The following PRR32 variants were observed in gnomAD, a reference collection of about 807,000 sequenced individuals.
The protein encoded by PRR32 is proline-rich protein 32.
In PRR32, 2 loss-of-function variants were observed where a neutral mutation model predicts 1.3. The observed-to-expected ratio is 1.49, with a 90% confidence interval of 0.61 to 4.68. The LOEUF is 4.68. PRR32 is among the 30% of genes most tolerant of loss of function. PRR32 has a pLI of 0.06. For synonymous variants in PRR32, 107 were observed against 88.7 expected (o/e 1.21, Z -1.16); for missense variants, 241 against 232.5 (o/e 1.04, Z -0.24).
rs750309760 is a variant in PRR32, at chrX:126,819,752, G to C, written c.-92G>C. 3.6e-6 allele frequency: 3 copies of C among 840,291 alleles called. No homozygotes were observed. Among genetic ancestry groups the C allele is most frequent in the Non-Finnish European group, 5.0e-6 (3 of 603,966 alleles). 69.2% of individuals were successfully genotyped at this position (840,291 alleles called of 1,213,427 possible). A position where few individuals can be genotyped will look rare whatever the true frequency, so the allele number is the denominator to read the frequency against. On this transcript the variant is annotated 5_prime_UTR_variant, in exon 1 of 2. Coordinates refer to ENST00000371125, the MANE Select transcript of PRR32 (RefSeq NM_001122716.2). The stretch of plus-strand genomic sequence containing the variant: ...TCATTCTAGTTGCCAAGCCTCTAAA[G>C]CAGAAGCAGGAGTCATTTCTCCAGA...
intron 1 of PRR32, among the ~76,000 whole-genome samples, chrX:126,820,074 T>A (rs769060966): frequency 2.7e-5 from 3 of 111,342 alleles, no homozygotes; most frequent in Non-Finnish European, 3.8e-5. Context: ...AATTTACAAA[T>A]CCCTAGTCTA....
chrX:126,819,920 G>C (rs1930528891), intron 1 of PRR32, 57 bp downstream of exon 1: 3 of 1,081,937 alleles, frequency 2.8e-6, no homozygotes, highest in Non-Finnish European at 3.8e-6. Context: ...AGTTTGAATT[G>C]CTTTATTGTG....
In PRR32 at chrX:126,821,114, G is replaced by A. The variant is rs1008260895; in HGVS notation, c.476G>A (p.Arg159Lys). The change falls in exon 2 of 2, where the codon AGG becomes AAG. Residue 159 changes from arginine to lysine, a missense_variant. Physicochemically the swap from Arg to Lys is conservative, Grantham distance 26 (BLOSUM62 2). Transcript: ENST00000371125. Reference sequence around the variant, plus strand: ...ACTGAGAGAGGCAGTAATAACGCAAGGTTGCATGTAGCTTTGCCACAAGGT... The same window carrying A: ...ACTGAGAGAGGCAGTAATAACGCAAAGTTGCATGTAGCTTTGCCACAAGGT... ...GGTERGSNNA[R>K]LHVALPQGKG... The A allele has an allele frequency of 9.4e-6, 11 of 1,167,903 alleles. No homozygotes were observed. Among genetic ancestry groups the A allele is most frequent in the Non-Finnish European group, 1.3e-5 (11 of 873,008 alleles).
In PRR32 at chrX:126,819,774, C is replaced by G; in HGVS notation, c.-70C>G. 9.6e-7 allele frequency: 1 copy of G among 1,044,638 alleles called. No individual in the cohort carries two copies. The highest frequency in any genetic ancestry group is 1.9e-5 in the African/African-American group (1 of 53,462). 86.1% of individuals were successfully genotyped at this position (1,044,638 alleles called of 1,213,427 possible). On this transcript the variant is annotated 5_prime_UTR_variant, in exon 1 of 2. Transcript: ENST00000371125. ...AAAGCAGAAGCAGGAGTCATTTCTC[C>G]AGACCTAGCTGGCCTGTTCAGTGGG...
At chrX:126,820,131 G>A (rs930583991) in intron 1 of PRR32, among the ~76,000 whole-genome samples, 5 of 111,919 alleles carry the variant, frequency 4.5e-5, no homozygotes, top group African/African-American at 1.6e-4. Flanking sequence ...AGGGTGTGGT[G>A]GTGGTTGAAT....
chrX:126,820,729 G>A lies in PRR32; in HGVS notation c.91G>A (p.Asp31Asn), dbSNP rs760363037. ...AAATGGGAACCAGGAGCTGCACCAC[G>A]ACATGCCCCTGCAATGTCTGAGTTC... is the stretch of plus-strand genomic sequence containing the variant. Reference protein sequence around the residue: ...DKNGNQELHHDMPLQCLSSKP... With the variant: ...DKNGNQELHHNMPLQCLSSKP... Residue 31 changes from aspartate to asparagine, a missense_variant, in exon 2 of 2, where the codon GAC (aspartate) becomes AAC (asparagine). Coordinates refer to ENST00000371125, the MANE Select transcript of PRR32 (RefSeq NM_001122716.2). The A allele has an allele frequency of 1.9e-4, 219 of 1,166,387 alleles. No individual in the cohort carries two copies. Among genetic ancestry groups the A allele is most frequent in the Non-Finnish European group, 2.4e-4 (211 of 872,748 alleles).
At position 126,820,776 on chromosome X, in the gene PRR32, G is replaced by A. The variant is rs745456224; in HGVS notation, c.138G>A (p.Glu46=). Residue 46 remains glutamate, a synonymous_variant, in exon 2 of 2, where the codon GAG becomes GAA. Transcript: ENST00000371125. ...GTTCCAAGCCAGAGGATGACGCAGAGCCCTGGGGTCAACCTCAAGTACCGC... is the reference window on the plus strand; with the variant it reads ...GTTCCAAGCCAGAGGATGACGCAGAACCCTGGGGTCAACCTCAAGTACCGC... The part of the protein sequence containing the change: ...CLSSKPEDDA[E]PWGQPQVPLR... 1 of 1,166,103 alleles carries A rather than the reference G, an allele frequency of 8.6e-7. No individual in the cohort carries two copies. Among genetic ancestry groups the A allele is most frequent in the Non-Finnish European group, 1.1e-6 (1 of 872,745 alleles).
At position 126,819,809 on chromosome X, in the gene PRR32, C is replaced by T. The variant is rs1222801692; in HGVS notation, c.-35C>T. ...TGGCCTGTTCAGTGGGTTATCTCCA[C>T]CACCTCAGGAAAGCTATTCTGATCA... On this transcript the variant is annotated 5_prime_UTR_variant, in exon 1 of 2. Coordinates refer to ENST00000371125, the MANE Select transcript of PRR32 (RefSeq NM_001122716.2). 6 of 1,158,307 alleles carry T rather than the reference C, an allele frequency of 5.2e-6. No homozygotes were observed. The South Asian group carries it at 1.2e-4, about 22-fold the overall frequency.
rs924131397 is a variant in PRR32, at chrX:126,821,515, C to T, written c.877C>T (p.Pro293Ser). The T allele has an allele frequency of 5.2e-6, 6 of 1,164,943 alleles. No individual in the cohort carries two copies. Among genetic ancestry groups the T allele is most frequent in the Non-Finnish European group, 6.9e-6 (6 of 872,753 alleles). ...HSGGMPAPAS[P>S]NREHS is the part of the protein sequence containing the mutation. ...TGGGGGAATGCCAGCTCCTGCATCA[C>T]CCAACAGAGAGCACAGCTGATGGCA... The change falls in exon 2 of 2, where the codon CCC becomes TCC. Residue 293 changes from proline to serine, a missense_variant. By Grantham distance (74) the Pro-to-Ser change is moderately conservative. Transcript: ENST00000371125.
chrX:126,820,654 G>T lies in PRR32; in HGVS notation c.21-5G>T. On this transcript the variant is annotated splice_polypyrimidine_tract_variant and splice_region_variant and intron_variant, in intron 1 of 1. Transcript: ENST00000371125. The stretch of plus-strand genomic sequence containing the variant: ...TATTAGCTGTTTGATTTCTGTTTTT[G>T]CAAGCCTTGGAGGGCACGCCCCTTC... 1 of 1,153,518 alleles carries T rather than the reference G, an allele frequency of 8.7e-7. No individual in the cohort carries two copies. Among genetic ancestry groups the T allele is most frequent in the Non-Finnish European group, 1.2e-6 (1 of 866,964 alleles).
intron 1 of PRR32, 130 bp from the exon 2 acceptor site, chrX:126,820,529 A>G: frequency 1.2e-6 from 1 of 821,707 alleles, no homozygotes; most frequent in African/African-American, 2.1e-5. Flanking sequence ...GTATTTGGCT[A>G]CATATAGGGG....
At chrX:126,820,562 G>T in intron 1 of PRR32, 97 bp from the exon 2 acceptor site, 2 of 1,015,373 alleles carry the variant, frequency 2.0e-6, no homozygotes, top group Non-Finnish European at 2.6e-6. Flanking sequence ...TTTTTTCCCT[G>T]GTATATTTCA....
In PRR32 at chrX:126,820,871, G is replaced by C; in HGVS notation, c.233G>C (p.Gly78Ala). 8.6e-7 allele frequency: 1 copy of C among 1,167,614 alleles called. No homozygotes were observed. The highest frequency in any genetic ancestry group is 3.3e-5 in the East Asian group (1 of 30,739). The change falls in exon 2 of 2, where the codon GGA (glycine) becomes GCA (alanine). Residue 78 changes from glycine (G) to alanine (A), a missense_variant. Transcript: ENST00000371125. Reference sequence around the variant, plus strand: ...CTGGAGTGGCCCTCTGAAAGAACAGGATCCTGCATTCCTCTTCATAGCTTG... The same window carrying C: ...CTGGAGTGGCCCTCTGAAAGAACAGCATCCTGCATTCCTCTTCATAGCTTG... Reference protein sequence around the residue: ...KQLEWPSERTGSCIPLHSLRA... With the variant: ...KQLEWPSERTASCIPLHSLRA...
rs1043881297 is a variant in PRR32, at chrX:126,821,336, C to T, written c.698C>T (p.Ser233Phe). Reference sequence around the variant, plus strand: ...TGGCCAAGGCCTATCCCGTTGTCTTCCAGTACTCCAGGTTTACCTTCTTGC... The same window carrying T: ...TGGCCAAGGCCTATCCCGTTGTCTTTCAGTACTCCAGGTTTACCTTCTTGC... Reference protein sequence around the residue: ...HNWPRPIPLSSSTPGLPSCST... With the variant: ...HNWPRPIPLSFSTPGLPSCST... Residue 233 changes from serine to phenylalanine, a missense_variant, in exon 2 of 2, where the codon TCC becomes TTC. Transcript: ENST00000371125. 1.6e-5 allele frequency: 19 copies of T among 1,167,041 alleles called. No individual in the cohort carries two copies. Among genetic ancestry groups the T allele is most frequent in the Non-Finnish European group, 1.9e-5 (17 of 872,965 alleles).
chrX:126,821,208 G>T lies in PRR32; in HGVS notation c.570G>T (p.Gly190=). ...GPSHIPTLRS[G]IVMEVPPGNT... is the part of the protein sequence containing the mutation. Reference sequence around the variant, plus strand: ...CACATATTCCCACCCTTAGATCAGGGATAGTAATGGAGGTGCCGCCCGGAA... The same window carrying T: ...CACATATTCCCACCCTTAGATCAGGTATAGTAATGGAGGTGCCGCCCGGAA... The change falls in exon 2 of 2, where the codon GGG becomes GGT. Residue 190 remains glycine, a synonymous_variant. Transcript: ENST00000371125. 8.6e-7 allele frequency: 1 copy of T among 1,167,854 alleles called. No homozygotes were observed. The highest frequency in any genetic ancestry group is 2.3e-4 in the Middle Eastern group (1 of 4,305).
Position 126,820,963 on chromosome X carries a change from G to A in PRR32, c.325G>A (p.Val109Ile), listed in dbSNP as rs181120331. 4 of 1,165,067 alleles carry A rather than the reference G, an allele frequency of 3.4e-6. No homozygotes were observed. Among genetic ancestry groups the A allele is most frequent in the Admixed American group, 2.6e-5 (1 of 38,398 alleles). ...AGAAGAGTCCCTAGCAACAGCAGAA[G>A]TAAACAGCTCTGATGCACTGGCAGG... Reference protein sequence around the residue: ...VAEESLATAEVNSSDALAGWR... With the variant: ...VAEESLATAEINSSDALAGWR... Residue 109 changes from valine to isoleucine, a missense_variant, in exon 2 of 2, where the codon GTA becomes ATA. Transcript: ENST00000371125.
rs924211351 is a variant in PRR32 at position 126,821,136 on chromosome X, A to T, written c.498A>T (p.Gln166His). Residue 166 changes from glutamine to histidine, a missense_variant, in exon 2 of 2, where the codon CAA (glutamine) becomes CAT (histidine). By Grantham distance (24) the Gln-to-His change is conservative. Coordinates refer to ENST00000371125, the MANE Select transcript of PRR32 (RefSeq NM_001122716.2). Reference sequence around the variant, plus strand: ...CAAGGTTGCATGTAGCTTTGCCACAAGGTAAAGGGTTCTTTCCACCCAGGG... The same window carrying T: ...CAAGGTTGCATGTAGCTTTGCCACATGGTAAAGGGTTCTTTCCACCCAGGG... ...NNARLHVALP[Q>H]GKGFFPPRGP... The T allele has an allele frequency of 6.8e-6, 8 of 1,167,933 alleles. No individual in the cohort carries two copies. The highest frequency in any genetic ancestry group is 8.0e-6 in the Non-Finnish European group (7 of 873,012).
At position 126,821,278 on chromosome X, in the gene PRR32, C is replaced by A. The variant is rs1930554771; in HGVS notation, c.640C>A (p.Pro214Thr). The A allele has an allele frequency of 8.6e-7, 1 of 1,168,260 alleles. No individual in the cohort carries two copies. Among genetic ancestry groups the A allele is most frequent in the Non-Finnish European group, 1.1e-6 (1 of 873,136 alleles). The change falls in exon 2 of 2, where the codon CCA becomes ACA. Residue 214 changes from proline (P) to threonine (T), a missense_variant. Pro to Thr is a conservative substitution (Grantham distance 38). Coordinates refer to ENST00000371125, the MANE Select transcript of PRR32 (RefSeq NM_001122716.2). The part of the protein sequence containing the change: ...CRGKLAHVSF[P>T]LRGPCHPMHN... ...AGGAAAGCTGGCTCATGTTTCTTTC[C>A]CACTCAGGGGCCCATGCCACCCCAT... is the stretch of plus-strand genomic sequence containing the variant.
chrX:126,819,813 C>A lies in PRR32; in HGVS notation c.-31C>A. 1.7e-6 allele frequency: 2 copies of A among 1,162,337 alleles called. No individual in the cohort carries two copies. The highest frequency in any genetic ancestry group is 3.8e-5 in the South Asian group (2 of 51,962). On this transcript the variant is annotated 5_prime_UTR_variant, in exon 1 of 2. Coordinates refer to ENST00000371125, the MANE Select transcript of PRR32 (RefSeq NM_001122716.2). ...CTGTTCAGTGGGTTATCTCCACCAC[C>A]TCAGGAAAGCTATTCTGATCAAATT...
Sources: gnomAD v4.1 joint callset for allele counts (sites outside exome capture counted in the v4.1 genomes callset) on GRCh38, gnomAD v4.1.1 for gene constraint, MANE v1.5 for transcripts, NCBI Gene and HGNC (gene_info 2026-07-23, HGNC 2026-07-21) for gene names.